NPAS3: variants seen among roughly 807,000 people sequenced by gnomAD.
The protein encoded by NPAS3 is neuronal PAS domain-containing protein 3.
NPAS3 carries 14 observed loss-of-function variants against 73.1 expected under a neutral mutation model. The observed-to-expected ratio is 0.19, with a 90% confidence interval of 0.13 to 0.30. NPAS3 has a LOEUF of 0.30. Ranked by LOEUF, NPAS3 falls within the 10% of genes least tolerant of loss-of-function variation. NPAS3 has a pLI of 1.00. For missense variants in NPAS3, 1,096 were observed against 1,250.0 expected, an observed-to-expected ratio of 0.88 and a Z score of 1.86; for synonymous variants, 620 against 541.5, an observed-to-expected ratio of 1.14 and a Z score of -2.01.
chr14:33,373,436 A>T (rs2046183270), intron 4 of NPAS3, among the ~76,000 whole-genome samples: 1 of 150,634 alleles, frequency 6.6e-6, no homozygotes, highest in Admixed American at 6.7e-5. Flanking sequence ...AACTTTGTAA[A>T]ATACATGCCA....
chr14:33,515,308 A>T (rs963407762), intron 4 of NPAS3, among the ~76,000 whole-genome samples: 2 of 152,084 alleles, frequency 1.3e-5, no homozygotes, highest in Non-Finnish European at 2.9e-5. Flanking sequence ...TGGCATTATC[A>T]TGAGGGTTAT....
intron 4 of NPAS3, among the ~76,000 whole-genome samples, chr14:33,477,138 A>G (rs1390948345): frequency 6.6e-6 from 1 of 151,852 alleles, no homozygotes; most frequent in East Asian, 1.9e-4. Context: ...TGCCTTCTGG[A>G]TTTAATAATT....
rs1408795332 is a variant in NPAS3 at position 33,784,750 on chromosome 14, T to TATTTTTA, written c.1153+6178_1153+6179insATTTTTA. Reference sequence around the variant, plus strand: ...ATTTATTTATTTATTTATTTATTTTTTTTTTTTTTTTTTTTTTGAGACAGA... The same window carrying TATTTTTA: ...ATTTATTTATTTATTTATTTATTTTTATTTTTATTTTTTTTTTTTTTTTTGAGACAGA... On this transcript the variant is annotated intron_variant, in intron 9 of 11. Transcript: ENST00000356141. 4.6e-3 allele frequency among the ~76,000 whole-genome samples: 565 copies of TATTTTTA among 123,006 alleles called. 14 individuals carry two copies. Among genetic ancestry groups the TATTTTTA allele is most frequent in the African/African-American group, 0.018 (512 of 29,198 alleles). 80.7% of individuals were successfully genotyped at this position (123,006 alleles called of 152,430 possible). A position where few individuals can be genotyped will look rare whatever the true frequency, so the allele number is the denominator to read the frequency against.
intron 2 of NPAS3, among the ~76,000 whole-genome samples, chr14:33,172,913 A>G (rs10483430): frequency 0.63 from 94,958 of 150,524 alleles, 29,968 homozygotes; most frequent in Non-Finnish European, 0.69. Flanking sequence ...TTTCTGAAAA[A>G]GGAGGTTATT....
chr14:33,542,195 G>C (rs2054553301), intron 4 of NPAS3, among the ~76,000 whole-genome samples: 1 of 152,160 alleles, frequency 6.6e-6, no homozygotes, highest in Non-Finnish European at 1.5e-5. Context: ...ATCATTTAGT[G>C]TCTGCCTGTC....
intron 5 of NPAS3, among the ~76,000 whole-genome samples, chr14:33,571,383 G>T (rs1354191259): frequency 6.6e-6 from 1 of 152,166 alleles, no homozygotes; most frequent in Non-Finnish European, 1.5e-5. Flanking sequence ...TCGAGGAGGG[G>T]AGCCTGGCGA....
chr14:33,361,293 G>A (rs556720944), intron 3 of NPAS3, among the ~76,000 whole-genome samples: 4 of 152,118 alleles, frequency 2.6e-5, no homozygotes, highest in South Asian at 2.1e-4. Flanking sequence ...TTTGGTTGCC[G>A]TTTCACATTT....
intron 9 of NPAS3, among the ~76,000 whole-genome samples, chr14:33,782,323 T>C (rs1249579649): frequency 6.6e-6 from 1 of 152,186 alleles, no homozygotes; most frequent in South Asian, 2.1e-4. Flanking sequence ...CAGTTACTTA[T>C]GGTGTCTGTG....
chr14:33,071,369 A>T (rs1196584646), intron 2 of NPAS3, among the ~76,000 whole-genome samples: 2 of 152,216 alleles, frequency 1.3e-5, no homozygotes, highest in Non-Finnish European at 2.9e-5. Context: ...CATTTCTAGG[A>T]GAAACTTAAT....
At chr14:33,662,648 T>G (rs888474904) in intron 5 of NPAS3, among the ~76,000 whole-genome samples, 11 of 152,162 alleles carry the variant, frequency 7.2e-5, no homozygotes, top group African/African-American at 2.4e-4. Flanking sequence ...GTAGTTCTCC[T>G]TGAAGAGGTC....
chr14:33,187,654 C>A (rs1030170796), intron 2 of NPAS3, among the ~76,000 whole-genome samples: 3 of 152,106 alleles, frequency 2.0e-5, no homozygotes, highest in Non-Finnish European at 4.4e-5. Flanking sequence ...AGTGATGGCA[C>A]CTGTGAATAG....
intron 1 of NPAS3, among the ~76,000 whole-genome samples, chr14:32,968,742 G>T (rs901521070): frequency 1.3e-5 from 2 of 151,192 alleles, no homozygotes; most frequent in Non-Finnish European, 2.9e-5. Flanking sequence ...GGAGTCAAAC[G>T]CTGGGGCCAG....
chr14:33,021,142 A>G (rs916262821), intron 1 of NPAS3, among the ~76,000 whole-genome samples: 3 of 152,194 alleles, frequency 2.0e-5, no homozygotes, highest in East Asian at 1.9e-4. Context: ...TTGAAGGGTT[A>G]TCGTGAGAAG....
chr14:33,568,536 G>T (rs919495087), intron 5 of NPAS3, among the ~76,000 whole-genome samples: 1 of 152,040 alleles, frequency 6.6e-6, no homozygotes, highest in Non-Finnish European at 1.5e-5. Flanking sequence ...AGTTAGCTTG[G>T]ACCCTATAAG....
At chr14:33,564,175 A>T (rs2055804541) in intron 5 of NPAS3, among the ~76,000 whole-genome samples, 1 of 152,208 alleles carries the variant, frequency 6.6e-6, no homozygotes. Flanking sequence ...AAAGAGGCTC[A>T]TAAAAAGACC....
At chr14:33,719,308 A>C (rs1220916757) in intron 6 of NPAS3, among the ~76,000 whole-genome samples, 12 of 152,156 alleles carry the variant, frequency 7.9e-5, no homozygotes, top group Non-Finnish European at 1.3e-4. Flanking sequence ...CGAGCATTGC[A>C]ATTCTTTCCT....
intron 3 of NPAS3, among the ~76,000 whole-genome samples, chr14:33,319,811 A>G (rs2043360344): frequency 6.6e-6 from 1 of 152,136 alleles, no homozygotes; most frequent in Admixed American, 6.6e-5. Context: ...CACTTGTCAC[A>G]TTGACTTATC....
chr14:33,437,923 C>A (rs1310814072), intron 4 of NPAS3, among the ~76,000 whole-genome samples: 1 of 152,170 alleles, frequency 6.6e-6, no homozygotes, highest in African/African-American at 2.4e-5. Flanking sequence ...CCCTTATTTT[C>A]CAGTATATTT....
intron 3 of NPAS3, among the ~76,000 whole-genome samples, chr14:33,231,432 T>C (rs1485243407): frequency 6.6e-6 from 1 of 152,096 alleles, no homozygotes; most frequent in Non-Finnish European, 1.5e-5. Context: ...TCCAGGAAAA[T>C]ATTGGAGACA....
Sources: gnomAD v4.1 joint callset for allele counts (sites outside exome capture counted in the v4.1 genomes callset) on GRCh38, gnomAD v4.1.1 for gene constraint, MANE v1.5 for transcripts, NCBI Gene and HGNC (gene_info 2026-07-23, HGNC 2026-07-21) for gene names.